Variants in SDK1 observed in about 807,000 individuals in gnomAD.
The protein encoded by SDK1 is protein sidekick-1.
SDK1 carries 157 observed loss-of-function variants against 245.5 expected under a neutral mutation model. The ratio of observed to expected loss-of-function variants is 0.64; its 90% CI spans 0.56 to 0.73. The LOEUF is 0.73. Ranked by LOEUF, SDK1 falls within the 30% of genes least tolerant of loss-of-function variation. SDK1 has a pLI of 0.00. For synonymous variants in SDK1, 1,647 were observed against 1,278.5 expected (o/e 1.29, Z -6.15); for missense variants, 3,583 against 3,002.3 (o/e 1.19, Z -4.52).
chr7:3,364,171 A>G (rs1235247069), intron 1 of SDK1, among the ~76,000 whole-genome samples: 4 of 152,318 alleles, frequency 2.6e-5, no homozygotes, highest in Admixed American at 6.5e-5. Context: ...AGTTCTTTAT[A>G]TATTTTAGAT....
intron 4 of SDK1, among the ~76,000 whole-genome samples, 195 bp downstream of exon 4, chr7:3,642,300 A>G (rs1782675074): frequency 1.3e-5 from 2 of 152,218 alleles, no homozygotes; most frequent in African/African-American, 4.8e-5. Context: ...TAAGCAAATA[A>G]CTGTCTAATA....
Position 3,706,689 on chromosome 7 carries a change from A to G in SDK1, c.713+64584A>G, listed in dbSNP as rs569923335. ...AGTGCTGGGATTATAGGCGTGAGCC[A>G]CTGTGCTCGGCCAGCAACTTTTTTT... is the stretch of plus-strand genomic sequence containing the variant. On this transcript the variant is annotated intron_variant, in intron 4 of 44. Coordinates refer to ENST00000404826, the MANE Select transcript of SDK1 (RefSeq NM_152744.4). Among the ~76,000 whole-genome samples the G allele has an allele frequency of 6.1e-4, 93 of 152,320 alleles. 1 individual carries two copies. Among genetic ancestry groups the G allele is most frequent in the Admixed American group, 5.9e-3 (91 of 15,308 alleles).
At position 4,029,122 on chromosome 7, in the gene SDK1, T is replaced by C. The variant is rs373409694; in HGVS notation, c.2602+11770T>C. Among the ~76,000 whole-genome samples the C allele has an allele frequency of 1.2e-3, 118 of 96,198 alleles. 1 individual carries two copies. In the South Asian group the frequency reaches 0.027, roughly 22 times the overall value. 63.1% of individuals were successfully genotyped at this position (96,198 alleles called of 152,430 possible). ...AGGTGGGTGGGGGTCACTGAATTGATAGACCTTTTCCGAGGGGGGTGGGGG... is the reference window on the plus strand; with the variant it reads ...AGGTGGGTGGGGGTCACTGAATTGACAGACCTTTTCCGAGGGGGGTGGGGG... On this transcript the variant is annotated intron_variant, in intron 17 of 44. Coordinates refer to ENST00000404826, the MANE Select transcript of SDK1 (RefSeq NM_152744.4).
chr7:3,650,660 C>T (rs1254882685), intron 4 of SDK1, among the ~76,000 whole-genome samples: 3 of 152,158 alleles, frequency 2.0e-5, no homozygotes, highest in Non-Finnish European at 2.9e-5. Flanking sequence ...TCTGTCAATA[C>T]TAGGATTTCT....
At position 4,053,290 on chromosome 7, in the gene SDK1, C is replaced by T. The variant is rs78148007; in HGVS notation, c.2911+1460C>T. On this transcript the variant is annotated intron_variant, in intron 19 of 44. Coordinates refer to ENST00000404826, the MANE Select transcript of SDK1 (RefSeq NM_152744.4). ...TCCCAGCAGGTGACATTTGCAGAGG[C>T]CAAGGCCACCAAGACGGATTCCTTG... Among the ~76,000 whole-genome samples, 42 of 152,046 alleles carry T rather than the reference C, an allele frequency of 2.8e-4. 1 individual carries two copies. In the East Asian group the frequency reaches 8.2e-3, roughly 30 times the overall value.
intron 5 of SDK1, among the ~76,000 whole-genome samples, chr7:3,839,242 C>T (rs538355387): frequency 1.1e-3 from 166 of 152,292 alleles, no homozygotes; most frequent in Non-Finnish European, 1.9e-3. Flanking sequence ...TTGCATTGCT[C>T]TGGCCTGTAG....
chr7:3,734,086 G>A (rs561933490), intron 4 of SDK1, among the ~76,000 whole-genome samples: 3 of 152,322 alleles, frequency 2.0e-5, no homozygotes, highest in East Asian at 1.9e-4. Flanking sequence ...CAGGCTCCCC[G>A]TGAGATGAAG....
Position 3,876,993 on chromosome 7 carries a change from C to T in SDK1, c.847+55410C>T, listed in dbSNP as rs184608361. Among the ~76,000 whole-genome samples the T allele has an allele frequency of 1.3e-3, 205 of 152,306 alleles. 1 individual carries two copies. The highest frequency in any genetic ancestry group is 4.8e-3 in the African/African-American group (200 of 41,568). On this transcript the variant is annotated intron_variant, in intron 5 of 44. Transcript: ENST00000404826. ...ATGCTAAGATAAATACCTTCTGTCC[C>T]TCTGCCCCTCTCCCATATTTCCTTT...
chr7:4,247,849 C>G (rs998024983), intron 44 of SDK1, among the ~76,000 whole-genome samples: 2 of 152,108 alleles, frequency 1.3e-5, no homozygotes, highest in African/African-American at 4.8e-5. Context: ...CCAGCCAGAC[C>G]CCCGTGTCTC....
intron 1 of SDK1, among the ~76,000 whole-genome samples, chr7:3,432,155 A>G (rs1009223931): frequency 4.0e-5 from 6 of 148,276 alleles, no homozygotes; most frequent in African/African-American, 9.8e-5. Context: ...TTTAAAAAAT[A>G]TATATTTTTA....
chr7:3,324,671 A>T (rs556073202), intron 1 of SDK1, among the ~76,000 whole-genome samples: 2 of 152,292 alleles, frequency 1.3e-5, no homozygotes, highest in Non-Finnish European at 2.9e-5. Context: ...GTAGGCTCTT[A>T]CTTTTACTGT....
chr7:3,974,152 C>T (rs1039971038), intron 12 of SDK1, among the ~76,000 whole-genome samples: 3 of 141,074 alleles, frequency 2.1e-5, no homozygotes, highest in Admixed American at 7.6e-5. Flanking sequence ...CCACTGCACT[C>T]CAGCCTGGGC....
At chr7:3,325,710 A>G in intron 1 of SDK1, among the ~76,000 whole-genome samples, 1 of 152,156 alleles carries the variant, frequency 6.6e-6, no homozygotes, top group Non-Finnish European at 1.5e-5. Context: ...TATCTGTTAC[A>G]AAAGTACCAG....
intron 1 of SDK1, among the ~76,000 whole-genome samples, chr7:3,567,919 T>C (rs1324720537): frequency 6.6e-6 from 1 of 152,210 alleles, no homozygotes; most frequent in East Asian, 1.9e-4. Context: ...CCAAGTGGGC[T>C]GATCTTCCCA....
At chr7:4,035,008 T>A (rs1002674140) in intron 17 of SDK1, among the ~76,000 whole-genome samples, 2 of 152,384 alleles carry the variant, frequency 1.3e-5, no homozygotes, top group South Asian at 4.1e-4. Flanking sequence ...AGACGGAGTC[T>A]TGCTCTGTTG....
At chr7:3,537,766 G>C (rs554162332) in intron 1 of SDK1, among the ~76,000 whole-genome samples, 1 of 152,182 alleles carries the variant, frequency 6.6e-6, no homozygotes, top group African/African-American at 2.4e-5. Context: ...CCCTTGAGCT[G>C]GTCAGGTTCC....
At chr7:3,990,479 C>A (rs68000932) in intron 14 of SDK1, among the ~76,000 whole-genome samples, 13,784 of 152,296 alleles carry the variant, frequency 0.091, 695 homozygotes, top group Middle Eastern at 0.13. Context: ...CAGATAACTT[C>A]TGAGAGTACA....
intron 1 of SDK1, among the ~76,000 whole-genome samples, chr7:3,489,422 A>G (rs1781802318): frequency 6.6e-6 from 1 of 152,208 alleles, no homozygotes. Flanking sequence ...TATTACTATA[A>G]AATTCTACTC....
rs994876546 is a variant in SDK1 at position 4,268,354 on chromosome 7, C to A, written c.*2970C>A. ...GCCCAGAGAGAGCTGCCAGGCCACA[C>A]CCCCTCGGCCTCCTGCACGGCCACC... On this transcript the variant is annotated 3_prime_UTR_variant, in exon 45 of 45. Coordinates refer to ENST00000404826, the MANE Select transcript of SDK1 (RefSeq NM_152744.4). The A allele has an allele frequency of 1.9e-6, 2 of 1,050,376 alleles. No homozygotes were observed. The highest frequency in any genetic ancestry group is 1.7e-5 in the African/African-American group (1 of 58,954). 65.1% of individuals were successfully genotyped at this position (1,050,376 alleles called of 1,614,324 possible).
Sources: gnomAD v4.1 joint callset for allele counts (sites outside exome capture counted in the v4.1 genomes callset) on GRCh38, gnomAD v4.1.1 for gene constraint, MANE v1.5 for transcripts, NCBI Gene and HGNC (gene_info 2026-07-23, HGNC 2026-07-21) for gene names.